STK39: variants seen among roughly 807,000 people sequenced by gnomAD.
STK39 encodes the protein STE20/SPS1-related proline-alanine-rich protein kinase.
Under a neutral mutation model 77.8 loss-of-function variants are expected in STK39, and 20 were observed. The ratio of observed to expected loss-of-function variants is 0.26; its 90% CI spans 0.18 to 0.37. The LOEUF (loss-of-function observed/expected upper bound fraction) is 0.37. Ranked by LOEUF, STK39 falls within the 10% of genes least tolerant of loss-of-function variation. The pLI is 1.00. For missense variants in STK39, 479 were observed against 656.5 expected (o/e 0.73, Z 2.95); for synonymous variants, 246 against 234.1 (o/e 1.05, Z -0.47).
At chr2:168,009,959 A>G (rs573771792) in intron 16 of STK39, among the ~76,000 whole-genome samples, 6 of 152,168 alleles carry the variant, frequency 3.9e-5, no homozygotes, top group Non-Finnish European at 7.4e-5. Context: ...AAACCTTCCT[A>G]ACTTTAGCTG....
At chr2:168,163,993 T>C in intron 3 of STK39, 113 bp from the exon 4 acceptor site, 2 of 1,401,084 alleles carry the variant, frequency 1.4e-6, no homozygotes, top group Non-Finnish European at 1.9e-6. Context: ...CTTTATTTAA[T>C]GCAAATATTC....
chr2:168,145,469 A>G (rs1329301856), intron 5 of STK39, among the ~76,000 whole-genome samples: 1 of 152,174 alleles, frequency 6.6e-6, no homozygotes, highest in Non-Finnish European at 1.5e-5. Context: ...GAAAGTTGCC[A>G]TAGAGAAATG....
At chr2:168,218,433 GGCACA>G (rs948651972) in intron 1 of STK39, among the ~76,000 whole-genome samples, 2 of 152,156 alleles carry the variant, frequency 1.3e-5, no homozygotes, top group African/African-American at 4.8e-5. Flanking sequence ...GTGACCGTAG[GGCACA>G]GCACCATGCA....
chr2:168,165,733 T>G (rs1451437246), intron 3 of STK39, among the ~76,000 whole-genome samples: 2 of 151,682 alleles, frequency 1.3e-5, no homozygotes, highest in Non-Finnish European at 2.9e-5. Flanking sequence ...CCAATTACAA[T>G]GCCTTCGTCA....
intron 1 of STK39, among the ~76,000 whole-genome samples, chr2:168,210,030 A>G (rs68133741): frequency 0.12 from 12,910 of 110,198 alleles, 1,194 homozygotes; most frequent in East Asian, 0.24. Flanking sequence ...GAAAGGAAAG[A>G]AAGGAAGGAA....
chr2:168,224,941 ACAG>A (rs1377513049), intron 1 of STK39, among the ~76,000 whole-genome samples: 2 of 152,190 alleles, frequency 1.3e-5, no homozygotes, highest in Non-Finnish European at 2.9e-5. Flanking sequence ...TGAAACTAAG[ACAG>A]CACTTCATGA....
At chr2:168,093,017 C>T (rs1026010755) in intron 10 of STK39, among the ~76,000 whole-genome samples, 1 of 152,182 alleles carries the variant, frequency 6.6e-6, no homozygotes, top group Non-Finnish European at 1.5e-5. Flanking sequence ...TGCAGACATG[C>T]ATATTGGTCT....
chr2:167,990,298 G>A (rs58184996), intron 16 of STK39, among the ~76,000 whole-genome samples: 1 of 152,088 alleles, frequency 6.6e-6, no homozygotes, highest in East Asian at 1.9e-4. Flanking sequence ...TTATGCAGAG[G>A]ATTTATTTCT....
chr2:168,202,357 C>T (rs914849086), intron 1 of STK39, among the ~76,000 whole-genome samples: 2 of 152,160 alleles, frequency 1.3e-5, no homozygotes, highest in Non-Finnish European at 2.9e-5. Flanking sequence ...AACACAAAGT[C>T]CCTTCTTACA....
chr2:168,118,614 A>AAAC (rs1358909462), intron 10 of STK39, among the ~76,000 whole-genome samples: 2 of 151,574 alleles, frequency 1.3e-5, no homozygotes, highest in Middle Eastern at 3.2e-3. Context: ...AAAAAAAAAA[A>AAAC]AAAAAAAAAC....
intron 14 of STK39, among the ~76,000 whole-genome samples, chr2:168,036,773 G>T (rs547770867): frequency 2.0e-5 from 3 of 152,166 alleles, no homozygotes; most frequent in Admixed American, 2.0e-4. Context: ...ATAGAGCAAG[G>T]GTGAGGGTAG....
chr2:168,222,124 T>G (rs2271742), intron 1 of STK39, among the ~76,000 whole-genome samples: 18,770 of 152,160 alleles, frequency 0.12, 2,134 homozygotes, highest in African/African-American at 0.26. Flanking sequence ...TGGCTGAATA[T>G]TCCAGTCTGG....
At chr2:168,076,971 A>C (rs1353638322) in intron 10 of STK39, among the ~76,000 whole-genome samples, 2 of 152,176 alleles carry the variant, frequency 1.3e-5, no homozygotes, top group Non-Finnish European at 2.9e-5. Context: ...AGAGAAAATA[A>C]TTTTCTGTTG....
chr2:168,124,307 T>C (rs1268137571), intron 10 of STK39, among the ~76,000 whole-genome samples: 2 of 152,176 alleles, frequency 1.3e-5, no homozygotes, highest in African/African-American at 4.8e-5. Context: ...TTCCCTCCTA[T>C]GGCCAATATG....
At chr2:167,981,402 T>G (rs1343418282) in intron 16 of STK39, among the ~76,000 whole-genome samples, 1 of 152,224 alleles carries the variant, frequency 6.6e-6, no homozygotes, top group Non-Finnish European at 1.5e-5. Context: ...TTCCTACTTC[T>G]CCCATTCTTG....
chr2:168,219,161 C>T (rs544436983), intron 1 of STK39, among the ~76,000 whole-genome samples: 1 of 151,962 alleles, frequency 6.6e-6, no homozygotes, highest in Non-Finnish European at 1.5e-5. Flanking sequence ...TGGCTCATGC[C>T]TGTAATCCCA....
chr2:168,146,417 G>A (rs1688141241), intron 5 of STK39, among the ~76,000 whole-genome samples: 1 of 152,158 alleles, frequency 6.6e-6, no homozygotes, highest in Non-Finnish European at 1.5e-5. Context: ...GAGAGTAACG[G>A]GATCAATGTT....
intron 1 of STK39, among the ~76,000 whole-genome samples, chr2:168,237,151 G>A (rs1690635090): frequency 6.6e-6 from 1 of 152,120 alleles, no homozygotes; most frequent in Non-Finnish European, 1.5e-5. Context: ...TCCTTGAAGA[G>A]GTCCTTCACA....
At chr2:167,991,204 AC>A (rs1683692682) in intron 16 of STK39, among the ~76,000 whole-genome samples, 1 of 152,310 alleles carries the variant, frequency 6.6e-6, no homozygotes, top group Non-Finnish European at 1.5e-5. Flanking sequence ...CTTTCTTTCA[AC>A]TTACACCCTT....
Sources: gnomAD v4.1 joint callset for allele counts (sites outside exome capture counted in the v4.1 genomes callset) on GRCh38, gnomAD v4.1.1 for gene constraint, MANE v1.5 for transcripts, NCBI Gene and HGNC (gene_info 2026-07-23, HGNC 2026-07-21) for gene names.